THSD7B: variants seen among roughly 807,000 people sequenced by gnomAD.
THSD7B encodes thrombospondin type-1 domain-containing protein 7B.
A neutral mutation model predicts 213.6 loss-of-function variants in THSD7B; 138 were observed. The observed-to-expected ratio is 0.65, with a 90% CI of 0.56 to 0.74. THSD7B has a LOEUF of 0.74. Among genes scored for constraint, THSD7B ranks in the 30% least tolerant of loss-of-function variants. The pLI, the probability that THSD7B is intolerant of heterozygous loss-of-function variation, is 0.00. For synonymous variants in THSD7B, 742 were observed against 687.0 expected (o/e 1.08, Z -1.25); for missense variants, 1,931 against 1,991.5 (o/e 0.97, Z 0.58).
chr2:137,676,583 A>C lies in THSD7B; in HGVS notation c.4799A>C (p.Tyr1600Ser). 6.3e-7 allele frequency: 1 copy of C among 1,591,204 alleles called. No homozygotes were observed. Among genetic ancestry groups the C allele is most frequent in the South Asian group, 1.2e-5 (1 of 86,734 alleles). The change falls in exon 28 of 28, where the codon TAC (tyrosine) becomes TCC (serine). Residue 1600 changes from tyrosine (Y) to serine (S), a missense_variant. Coordinates refer to ENST00000409968, the MANE Select transcript of THSD7B (RefSeq NM_001316349.2). ...PPQQKPLTLA[Y>S]DGDLDM ...CAACAGAAGCCTCTGACCTTAGCCT[A>C]CGATGGAGACTTAGACATGTAATCT...
chr2:136,934,602 T>C (rs1407622725), intron 2 of THSD7B, among the ~76,000 whole-genome samples: 1 of 152,196 alleles, frequency 6.6e-6, no homozygotes, highest in East Asian at 1.9e-4. Context: ...CTCAGTATCT[T>C]CTGTAGATGA....
intron 2 of THSD7B, among the ~76,000 whole-genome samples, chr2:136,929,038 T>C (rs1684588734): frequency 6.6e-6 from 1 of 152,208 alleles, no homozygotes. Context: ...CCTGCTGTAC[T>C]GTAAATGTAA....
At chr2:136,918,974 T>C (rs1156604312) in intron 2 of THSD7B, among the ~76,000 whole-genome samples, 2 of 152,194 alleles carry the variant, frequency 1.3e-5, no homozygotes, top group East Asian at 3.9e-4. Context: ...TTGTATGCTC[T>C]TCATGAAGGT....
intron 12 of THSD7B, among the ~76,000 whole-genome samples, chr2:137,368,293 G>A (rs1685465785): frequency 6.6e-6 from 1 of 151,832 alleles, no homozygotes; most frequent in Non-Finnish European, 1.5e-5. Flanking sequence ...ATTTTACTCT[G>A]AAATTTCCTA....
Position 137,572,570 on chromosome 2 carries a change from C to T in THSD7B, c.3423+14C>T. 2 of 1,613,256 alleles carry T rather than the reference C, an allele frequency of 1.2e-6. No homozygotes were observed. Among genetic ancestry groups the T allele is most frequent in the Non-Finnish European group, 1.7e-6 (2 of 1,179,480 alleles). ...AAATGCCCACAGGTAATTTCTCTTT[C>T]TTTGTCAATGCTCTGATAATCTATT... On this transcript the variant is annotated intron_variant, in intron 17 of 27. Transcript: ENST00000409968.
intron 2 of THSD7B, among the ~76,000 whole-genome samples, chr2:137,031,585 G>T (rs1686668273): frequency 6.6e-6 from 1 of 151,956 alleles, no homozygotes; most frequent in African/African-American, 2.4e-5. Context: ...CATAATAGGA[G>T]TTCATTTAAT....
chr2:136,992,146 A>G (rs13423834), intron 2 of THSD7B, among the ~76,000 whole-genome samples: 4,222 of 152,354 alleles, frequency 0.028, 200 homozygotes, highest in African/African-American at 0.095. Context: ...AGCAATAAAG[A>G]TGCATTTCAG....
intron 2 of THSD7B, among the ~76,000 whole-genome samples, chr2:136,913,476 A>G (rs1396129210): frequency 6.6e-6 from 1 of 152,216 alleles, no homozygotes; most frequent in Non-Finnish European, 1.5e-5. Flanking sequence ...CAAGGGGAAA[A>G]TGTCTCCAGG....
At chr2:137,649,065 CT>C (rs1271859267) in intron 21 of THSD7B, among the ~76,000 whole-genome samples, 12 of 151,980 alleles carry the variant, frequency 7.9e-5, no homozygotes, top group African/African-American at 2.9e-4. Flanking sequence ...ATTTGCATGT[CT>C]TCTTTTGAGA....
intron 17 of THSD7B, among the ~76,000 whole-genome samples, chr2:137,599,831 G>A (rs1205110634): frequency 2.0e-5 from 3 of 152,092 alleles, no homozygotes; most frequent in Non-Finnish European, 2.9e-5. Context: ...TAAACGAGAG[G>A]GAATCAACAA....
At chr2:137,478,898 G>T (rs79717551) in intron 15 of THSD7B, among the ~76,000 whole-genome samples, 1,611 of 152,308 alleles carry the variant, frequency 0.011, 16 homozygotes, top group Middle Eastern at 0.027. Flanking sequence ...GTGAAAATTT[G>T]CTGGTGACAG....
intron 1 of THSD7B, among the ~76,000 whole-genome samples, chr2:136,793,143 T>G (rs1681997832): frequency 1.3e-5 from 2 of 152,066 alleles, no homozygotes; most frequent in Admixed American, 6.6e-5. Flanking sequence ...AGTTTAACTT[T>G]TAAGAAACTG....
intron 12 of THSD7B, among the ~76,000 whole-genome samples, chr2:137,330,440 GC>G (rs1355764522): frequency 6.6e-6 from 1 of 152,314 alleles, no homozygotes; most frequent in African/African-American, 2.4e-5. Context: ...CAAGAATGAA[GC>G]CGTGGACCCT....
intron 7 of THSD7B, among the ~76,000 whole-genome samples, chr2:137,188,204 A>G (rs1680587145): frequency 6.6e-6 from 1 of 152,162 alleles, no homozygotes. Flanking sequence ...GATTCAAAGG[A>G]GTTTACTTTT....
At position 137,057,184 on chromosome 2, in the gene THSD7B, C is replaced by A. The variant is rs762457088; in HGVS notation, c.904C>A (p.Arg302=). ...GGCAATAGAGATAGGTTATCAAACC[C>A]GGCAGGTTTCGTGTACAAGAAGTGA... ...SWAIEIGYQT[R]QVSCTRSDGQ... The change falls in exon 3 of 28, where the codon CGG becomes AGG. Residue 302 remains arginine (R), a synonymous_variant. Coordinates refer to ENST00000409968, the MANE Select transcript of THSD7B (RefSeq NM_001316349.2). 1 of 1,613,742 alleles carries A rather than the reference C, an allele frequency of 6.2e-7. No homozygotes were observed. Among genetic ancestry groups the A allele is most frequent in the Non-Finnish European group, 8.5e-7 (1 of 1,179,804 alleles).
intron 2 of THSD7B, among the ~76,000 whole-genome samples, chr2:137,042,700 G>A (rs1301680516): frequency 6.6e-6 from 1 of 152,140 alleles, no homozygotes; most frequent in Non-Finnish European, 1.5e-5. Flanking sequence ...TCCAGGAAAG[G>A]CAGGGGACAG....
intron 1 of THSD7B, among the ~76,000 whole-genome samples, chr2:136,810,965 C>T (rs1682365901): frequency 6.6e-6 from 1 of 152,156 alleles, no homozygotes; most frequent in Non-Finnish European, 1.5e-5. Context: ...AGCTGTGCTG[C>T]ATTAACCAGC....
chr2:137,168,057 G>A (rs570310538), intron 6 of THSD7B, among the ~76,000 whole-genome samples: 1 of 152,286 alleles, frequency 6.6e-6, no homozygotes, highest in East Asian at 1.9e-4. Flanking sequence ...TGCAAAATGG[G>A]AATAGTAACT....
chr2:137,010,181 T>A (rs1385533708), intron 2 of THSD7B, among the ~76,000 whole-genome samples: 2 of 152,146 alleles, frequency 1.3e-5, no homozygotes, highest in Non-Finnish European at 1.5e-5. Context: ...TCCATTACGA[T>A]CAGATACAGA....
Sources: gnomAD v4.1 joint callset for allele counts (sites outside exome capture counted in the v4.1 genomes callset) on GRCh38, gnomAD v4.1.1 for gene constraint, MANE v1.5 for transcripts, NCBI Gene and HGNC (gene_info 2026-07-23, HGNC 2026-07-21) for gene names.